LYPLAL1: variants seen among roughly 807,000 people sequenced by gnomAD.
LYPLAL1 encodes the protein lysophospholipase-like protein 1.
Under a neutral mutation model 19.7 loss-of-function variants are expected in LYPLAL1, and 23 were observed. The ratio of observed to expected loss-of-function variants is 1.17; its 90% confidence interval spans 0.84 to 1.65. The LOEUF (loss-of-function observed/expected upper bound fraction) is 1.65. Ranked by LOEUF, LYPLAL1 falls within the 40% of genes most tolerant of loss-of-function variation. LYPLAL1 has a pLI of 0.00. For synonymous variants in LYPLAL1, 119 were observed against 96.3 expected, an observed-to-expected ratio of 1.24 and a Z score of -1.38; for missense variants, 355 against 279.4, an observed-to-expected ratio of 1.27 and a Z score of -1.93.
At chr1:219,416,108 A>G in the LYPLAL1 span, among the ~76,000 whole-genome samples, 1 of 152,256 alleles carries the variant, frequency 6.6e-6, no homozygotes, top group African/African-American at 2.4e-5. Flanking sequence ...ATTACTAATA[A>G]CATGTTATTA....
At chr1:219,285,482 C>G in the LYPLAL1 span, among the ~76,000 whole-genome samples, 1 of 152,120 alleles carries the variant, frequency 6.6e-6, no homozygotes, top group Non-Finnish European at 1.5e-5. Flanking sequence ...GCCCAATTGT[C>G]CATCAACAAA....
chr1:219,394,332 C>G, the LYPLAL1 span, among the ~76,000 whole-genome samples: 1 of 152,090 alleles, frequency 6.6e-6, no homozygotes, highest in Non-Finnish European at 1.5e-5. Context: ...AGAGTACCAG[C>G]CTTTTATTTT....
the LYPLAL1 span, among the ~76,000 whole-genome samples, chr1:219,423,716 A>G: frequency 6.6e-6 from 1 of 152,192 alleles, no homozygotes; most frequent in Non-Finnish European, 1.5e-5. Context: ...CCCTGAAAGG[A>G]TATCAAAGCA....
the LYPLAL1 span, among the ~76,000 whole-genome samples, chr1:219,291,906 A>G: frequency 2.0e-5 from 3 of 152,114 alleles, no homozygotes; most frequent in Admixed American, 2.0e-4. Context: ...AAAGAAAGAA[A>G]GAAAAGAAAA....
At chr1:219,419,594 C>CACACACACACACACACACAGAGAG in the LYPLAL1 span, among the ~76,000 whole-genome samples, 3 of 99,602 alleles carry the variant, frequency 3.0e-5, no homozygotes, top group African/African-American at 7.9e-5. Context: ...CACACACACA[C>CACACACACACACACACACAGAGAG]AGAGAGAGAG....
At chr1:219,277,937 G>T in the LYPLAL1 span, among the ~76,000 whole-genome samples, 1 of 152,250 alleles carries the variant, frequency 6.6e-6, no homozygotes, top group Non-Finnish European at 1.5e-5. Flanking sequence ...TGTTGTTGTT[G>T]TTTAAGTATT....
chr1:219,331,062 C>T, the LYPLAL1 span, among the ~76,000 whole-genome samples: 185 of 151,132 alleles, frequency 1.2e-3, no homozygotes, highest in Middle Eastern at 0.01. Flanking sequence ...ATTAAATGTT[C>T]TTCTCATCCT....
the LYPLAL1 span, among the ~76,000 whole-genome samples, chr1:219,322,741 T>G: frequency 6.6e-6 from 1 of 152,212 alleles, no homozygotes; most frequent in Admixed American, 6.5e-5. Flanking sequence ...ACTTAGCCCA[T>G]TTTCTGTCCC....
chr1:219,310,649 G>C, the LYPLAL1 span, among the ~76,000 whole-genome samples: 1 of 152,164 alleles, frequency 6.6e-6, no homozygotes, highest in Non-Finnish European at 1.5e-5. Context: ...TATAGAGTAG[G>C]GGGGAAATGA....
chr1:219,383,076 A>T, the LYPLAL1 span, among the ~76,000 whole-genome samples: 6 of 152,236 alleles, frequency 3.9e-5, no homozygotes, highest in African/African-American at 1.4e-4. Context: ...TCAAAAACCA[A>T]CAACAAAACA....
the LYPLAL1 span, among the ~76,000 whole-genome samples, chr1:219,395,347 G>A: frequency 5.1e-3 from 783 of 152,146 alleles, 10 homozygotes; most frequent in African/African-American, 0.018. Flanking sequence ...TCTTATTGTG[G>A]TTTTGATTTG....
chr1:219,251,676 T>C, the LYPLAL1 span, among the ~76,000 whole-genome samples: 1 of 152,134 alleles, frequency 6.6e-6, no homozygotes, highest in Non-Finnish European at 1.5e-5. Flanking sequence ...TTTTGATTAC[T>C]GTAGCCTTGT....
At chr1:219,375,736 ATT>A in the LYPLAL1 span, among the ~76,000 whole-genome samples, 85 of 134,428 alleles carry the variant, frequency 6.3e-4, no homozygotes, top group African/African-American at 1.0e-3. Flanking sequence ...ATGCTTCCTG[ATT>A]TTTTTTTTTT....
At chr1:219,233,366 T>C in the LYPLAL1 span, among the ~76,000 whole-genome samples, 1 of 152,148 alleles carries the variant, frequency 6.6e-6, no homozygotes, top group East Asian at 1.9e-4. Flanking sequence ...TAGGGAATTG[T>C]AAAACAGGTA....
chr1:219,219,391 C>A, the LYPLAL1 span, among the ~76,000 whole-genome samples: 4 of 152,168 alleles, frequency 2.6e-5, no homozygotes, highest in Non-Finnish European at 4.4e-5. Context: ...AAGTTTCTTA[C>A]AAAAGGTGAA....
At chr1:219,397,458 G>GT in the LYPLAL1 span, among the ~76,000 whole-genome samples, 10 of 152,048 alleles carry the variant, frequency 6.6e-5, no homozygotes, top group Admixed American at 6.5e-4. Context: ...TTTCTCCTCA[G>GT]TTTTTTTTAG....
chr1:219,336,972 G>GT, the LYPLAL1 span, among the ~76,000 whole-genome samples: 1 of 151,974 alleles, frequency 6.6e-6, no homozygotes, highest in Non-Finnish European at 1.5e-5. Context: ...CAGCGGGGCT[G>GT]TTTTTTCTGA....
At chr1:219,433,808 T>G in the LYPLAL1 span, among the ~76,000 whole-genome samples, 4 of 152,264 alleles carry the variant, frequency 2.6e-5, no homozygotes, top group Non-Finnish European at 5.9e-5. Flanking sequence ...AGTAGCTTTC[T>G]GATGAAATTA....
chr1:219,438,035 G>A, the LYPLAL1 span, among the ~76,000 whole-genome samples: 1 of 152,108 alleles, frequency 6.6e-6, no homozygotes, highest in East Asian at 1.9e-4. Context: ...CCAAAGTGCT[G>A]GGATTACAGA....
Sources: gnomAD v4.1 joint callset for allele counts (sites outside exome capture counted in the v4.1 genomes callset) on GRCh38, gnomAD v4.1.1 for gene constraint, MANE v1.5 for transcripts, NCBI Gene and HGNC (gene_info 2026-07-23, HGNC 2026-07-21) for gene names.